WDFY3: variants seen among roughly 807,000 people sequenced by gnomAD.
WDFY3 encodes WD repeat and FYVE domain-containing protein 3.
In WDFY3, 66 loss-of-function variants were observed where a neutral mutation model predicts 409.6. The ratio of observed to expected loss-of-function variants is 0.16; its 90% CI spans 0.13 to 0.20. The LOEUF (loss-of-function observed/expected upper bound fraction) is 0.20, where lower values mean the gene tolerates loss of function less well. Ranked by LOEUF, WDFY3 falls within the 10% of genes least tolerant of loss-of-function variation. The pLI is 1.00. For missense variants in WDFY3, 3,031 were observed against 4,298.1 expected, an observed-to-expected ratio of 0.71 and a Z score of 8.24; for synonymous variants, 1,521 against 1,537.1, an observed-to-expected ratio of 0.99 and a Z score of 0.25.
chr4:84,733,631 C>G lies in WDFY3; in HGVS notation c.6994-22G>C, dbSNP rs529478288. On this transcript the variant is annotated intron_variant, in intron 43 of 67. Coordinates refer to ENST00000295888, the MANE Select transcript of WDFY3 (RefSeq NM_014991.6). ...GACGCTGACAGGAAAGAGTCCAGGT[C>G]GGTTTTCAAGCAAAAGCAGGAGTAA... 3.2e-5 allele frequency: 50 copies of G among 1,583,422 alleles called. No homozygotes were observed. In the South Asian group the frequency reaches 5.1e-4, roughly 16 times the overall value.
At chr4:84,673,884 T>G (rs928033737) in intron 67 of WDFY3, among the ~76,000 whole-genome samples, 1 of 152,176 alleles carries the variant, frequency 6.6e-6, no homozygotes, top group African/African-American at 2.4e-5. Context: ...CCCAAAGTGC[T>G]GAGACTACAG....
intron 44 of WDFY3, among the ~76,000 whole-genome samples, chr4:84,731,111 T>C (rs1052256855): frequency 6.6e-6 from 1 of 152,132 alleles, no homozygotes; most frequent in African/African-American, 2.4e-5. Flanking sequence ...TCTCATTATG[T>C]TTTAAGAAAG....
At chr4:84,805,425 C>T (rs562724454) in intron 15 of WDFY3, among the ~76,000 whole-genome samples, 157 of 152,110 alleles carry the variant, frequency 1.0e-3, no homozygotes, top group South Asian at 2.1e-3. Flanking sequence ...ATCTAAAACA[C>T]GGTATTTATT....
At chr4:84,820,677 A>C (rs756295266) in intron 11 of WDFY3, among the ~76,000 whole-genome samples, 5 of 152,106 alleles carry the variant, frequency 3.3e-5, no homozygotes, top group Non-Finnish European at 5.9e-5. Flanking sequence ...AAATATACGT[A>C]TTTGCTCTGT....
intron 3 of WDFY3, among the ~76,000 whole-genome samples, chr4:84,888,691 C>T (rs969093496): frequency 1.3e-5 from 2 of 152,142 alleles, no homozygotes; most frequent in East Asian, 1.9e-4. Context: ...TGTGTTAGAT[C>T]CAGCTTGTAC....
chr4:84,798,395 CTAAT>C (rs1382433529), intron 17 of WDFY3, among the ~76,000 whole-genome samples: 2 of 152,012 alleles, frequency 1.3e-5, no homozygotes, highest in African/African-American at 4.8e-5. Flanking sequence ...TTCCAACAGA[CTAAT>C]TACAATACAA....
rs2148686303 is a variant in WDFY3, at chr4:84,671,867, A to G, written c.*1001T>C. 1 of 152,620 alleles carries G rather than the reference A, an allele frequency of 6.6e-6. No individual in the cohort carries two copies. Among genetic ancestry groups the G allele is most frequent in the East Asian group, 1.9e-4 (1 of 5,182 alleles). The allele number at this position is 152,620 out of a possible 1,614,324, so 9.5% of individuals were successfully genotyped here. A position where few individuals can be genotyped will look rare whatever the true frequency, so the allele number is the denominator to read the frequency against. On this transcript the variant is annotated 3_prime_UTR_variant, in exon 68 of 68. Transcript: ENST00000295888. ...TGAAAATAAGCTATAGTAGAACATTAGTGTCACCAAAGACACATACTTATT... is the reference window on the plus strand; with the variant it reads ...TGAAAATAAGCTATAGTAGAACATTGGTGTCACCAAAGACACATACTTATT...
intron 1 of WDFY3, among the ~76,000 whole-genome samples, chr4:84,956,668 C>T (rs996037477): frequency 2.0e-5 from 3 of 152,104 alleles, no homozygotes; most frequent in African/African-American, 7.2e-5. Flanking sequence ...CTAGTTGATA[C>T]AAAGTTCCCA....
rs1290641752 is a variant in WDFY3, at chr4:84,882,755, C to T, written c.-32+14156G>A. On this transcript the variant is annotated intron_variant, in intron 3 of 67. Coordinates refer to ENST00000295888, the MANE Select transcript of WDFY3 (RefSeq NM_014991.6). ...TTTGAGACACAGTGTCATTCTGTCA[C>T]CCAGGATGGTATGCATGGCATGATC... Among the ~76,000 whole-genome samples, 4 of 151,384 alleles carry T rather than the reference C, an allele frequency of 2.6e-5. No homozygotes were observed. In the East Asian group the frequency reaches 7.8e-4, roughly 29 times the overall value.
intron 46 of WDFY3, 116 bp from the exon 47 acceptor site, chr4:84,721,688 T>C (rs572269469): frequency 2.5e-6 from 3 of 1,209,702 alleles, no homozygotes; most frequent in South Asian, 1.6e-5. Flanking sequence ...TTGGAAGGTA[T>C]AGGGAGGTAG....
At chr4:84,726,561 T>C (rs1735689689) in intron 45 of WDFY3, among the ~76,000 whole-genome samples, 1 of 152,148 alleles carries the variant, frequency 6.6e-6, no homozygotes, top group Non-Finnish European at 1.5e-5. Context: ...CCTCATAATT[T>C]GTTAGTTTAT....
At chr4:84,952,208 C>T (rs578149872) in intron 1 of WDFY3, among the ~76,000 whole-genome samples, 1 of 152,272 alleles carries the variant, frequency 6.6e-6, no homozygotes, top group Admixed American at 6.5e-5. Flanking sequence ...ACACCTATGC[C>T]AACCCATGTG....
At chr4:84,925,313 C>A (rs1239706343) in intron 2 of WDFY3, among the ~76,000 whole-genome samples, 1 of 152,132 alleles carries the variant, frequency 6.6e-6, no homozygotes, top group Non-Finnish European at 1.5e-5. Context: ...CTATCTAATG[C>A]CCTGGGAAGT....
At chr4:84,841,583 T>C (rs1016421239) in intron 5 of WDFY3, among the ~76,000 whole-genome samples, 3 of 152,044 alleles carry the variant, frequency 2.0e-5, no homozygotes, top group African/African-American at 7.2e-5. Flanking sequence ...GTAGGAGTGA[T>C]TAAGGGTGCA....
At chr4:84,754,827 TTA>T (rs1338793544) in intron 34 of WDFY3, among the ~76,000 whole-genome samples, 2 of 152,170 alleles carry the variant, frequency 1.3e-5, no homozygotes, top group Non-Finnish European at 2.9e-5. Context: ...TATGTACTCA[TTA>T]TATATGTACT....
chr4:84,806,022 A>T (rs1199156523), intron 15 of WDFY3, among the ~76,000 whole-genome samples: 1 of 152,214 alleles, frequency 6.6e-6, no homozygotes, highest in African/African-American at 2.4e-5. Flanking sequence ...CATGTCAGAC[A>T]AGTATCACAA....
In WDFY3 at chr4:84,794,668, G is replaced by C; in HGVS notation, c.3338C>G (p.Ser1113Cys). 1.2e-6 allele frequency: 2 copies of C among 1,613,550 alleles called. No homozygotes were observed. Among genetic ancestry groups the C allele is most frequent in the Non-Finnish European group, 1.7e-6 (2 of 1,179,920 alleles). The change falls in exon 21 of 68, where the codon TCT (serine) becomes TGT (cysteine). Residue 1113 changes from serine (S) to cysteine (C), a missense_variant. Physicochemically the swap from Ser to Cys is moderately radical, Grantham distance 112. Around this residue, in one of 16 missense-constraint regions of WDFY3, gnomAD observed 1,322 missense variants for 1,697.9 expected, o/e 0.78. Transcript: ENST00000295888. ...SSWFCIEHFS[S>C]PPNNHPVRLL... is the part of the protein sequence containing the mutation. ...TCTGACAGGGTGGTTATTTGGAGGA[G>C]AACTAAAATGTTCAATACAAAACCA...
chr4:84,695,778 A>T (rs1730043975), intron 58 of WDFY3, among the ~76,000 whole-genome samples, 192 bp downstream of exon 58: 1 of 152,182 alleles, frequency 6.6e-6, no homozygotes, highest in Non-Finnish European at 1.5e-5. Context: ...TCTTTAAACA[A>T]AAATTTTTAT....
At chr4:84,822,370 A>G (rs140807318) in intron 10 of WDFY3, among the ~76,000 whole-genome samples, 64 of 152,300 alleles carry the variant, frequency 4.2e-4, no homozygotes, top group African/African-American at 1.4e-3. Context: ...CAGAAAGAGT[A>G]TAAACCAGAG....
Sources: gnomAD v4.1 joint callset for allele counts (sites outside exome capture counted in the v4.1 genomes callset) on GRCh38, gnomAD v4.1.1 for gene constraint, gnomAD v4.1.1 regional missense constraint, MANE v1.5 for transcripts, NCBI Gene and HGNC (gene_info 2026-07-23, HGNC 2026-07-21) for gene names.